Variants in GRK4 observed in about 807,000 individuals in gnomAD.
The protein encoded by GRK4 is G protein-coupled receptor kinase 2-like.
Under a neutral mutation model 77.9 loss-of-function variants are expected in GRK4, and 73 were observed. That is an observed-to-expected ratio of 0.94 (90% CI 0.78 to 1.14). The LOEUF (loss-of-function observed/expected upper bound fraction) is 1.14, where lower values mean the gene tolerates loss of function less well. Ranked by LOEUF, GRK4 falls within the 50% of genes most tolerant of loss-of-function variation. The probability of loss-of-function intolerance (pLI) is 0.00; values close to 1 mark genes in which losing one functional copy is unlikely to be tolerated. For synonymous variants in GRK4, 257 were observed against 254.4 expected, an observed-to-expected ratio of 1.01 and a Z score of -0.10; for missense variants, 729 against 700.2, an observed-to-expected ratio of 1.04 and a Z score of -0.46.
intron 5 of GRK4, among the ~76,000 whole-genome samples, chr4:3,004,790 C>T (rs1978032): frequency 0.2 from 30,113 of 151,700 alleles, 3,452 homozygotes; most frequent in African/African-American, 0.32. Context: ...AGAGGAGGAG[C>T]TGGTCTTGCT....
chr4:2,981,944 G>T (rs1722990239), intron 1 of GRK4, among the ~76,000 whole-genome samples: 1 of 152,268 alleles, frequency 6.6e-6, no homozygotes, highest in African/African-American at 2.4e-5. Context: ...GCAGGTGGCT[G>T]GTGTGTCAGC....
chr4:2,969,755 C>G (rs1718927062), intron 1 of GRK4, among the ~76,000 whole-genome samples: 1 of 151,908 alleles, frequency 6.6e-6, no homozygotes, highest in South Asian at 2.1e-4. Flanking sequence ...ACTGAAGCCT[C>G]AAAGCCTTGA....
chr4:2,997,772 G>A (rs1441102844), intron 4 of GRK4, among the ~76,000 whole-genome samples: 1 of 152,084 alleles, frequency 6.6e-6, no homozygotes, highest in South Asian at 2.1e-4. Context: ...GCCGGCCATG[G>A]TGGTGCACGC....
intron 14 of GRK4, among the ~76,000 whole-genome samples, chr4:3,037,940 G>A (rs529346969): frequency 2.7e-4 from 41 of 150,488 alleles, no homozygotes; most frequent in Non-Finnish European, 5.5e-4. Flanking sequence ...AAAAAAGATT[G>A]TATAAGACTT....
At chr4:2,980,105 T>C (rs370087242) in intron 1 of GRK4, among the ~76,000 whole-genome samples, 31 of 152,332 alleles carry the variant, frequency 2.0e-4, no homozygotes, top group African/African-American at 6.5e-4. Flanking sequence ...TTCATCCTGT[T>C]AGGACCAGCT....
At chr4:3,001,207 ATG>A (rs1729587685) in intron 4 of GRK4, among the ~76,000 whole-genome samples, 1 of 134,448 alleles carries the variant, frequency 7.4e-6, no homozygotes, top group Non-Finnish European at 1.6e-5. Context: ...ATATATGTGT[ATG>A]TGTATATATA....
intron 4 of GRK4, among the ~76,000 whole-genome samples, chr4:3,001,089 ATGTGTGTG>A (rs1490130793): frequency 2.4e-5 from 2 of 82,420 alleles, no homozygotes; most frequent in African/African-American, 5.8e-5. Context: ...ATATATATAT[ATGTGTGTG>A]TGTGTGTGTA....
At chr4:3,020,248 C>T (rs948353798) in intron 9 of GRK4, among the ~76,000 whole-genome samples, 11 of 152,108 alleles carry the variant, frequency 7.2e-5, no homozygotes, top group Admixed American at 6.5e-4. Context: ...TCAGGTGATC[C>T]ACGGGCCTCA....
At chr4:2,980,682 C>G (rs1018700415) in intron 1 of GRK4, among the ~76,000 whole-genome samples, 1 of 152,108 alleles carries the variant, frequency 6.6e-6, no homozygotes, top group Non-Finnish European at 1.5e-5. Context: ...GCCACCCTAC[C>G]CCACCGTCAG....
At chr4:3,036,270 G>A (rs1302333410) in intron 13 of GRK4, among the ~76,000 whole-genome samples, 1 of 152,240 alleles carries the variant, frequency 6.6e-6, no homozygotes, top group Non-Finnish European at 1.5e-5. Context: ...CCCGTACTGA[G>A]GACCCTGAAG....
At chr4:2,968,199 T>C (rs1053420188) in intron 1 of GRK4, among the ~76,000 whole-genome samples, 2 of 152,202 alleles carry the variant, frequency 1.3e-5, no homozygotes, top group Non-Finnish European at 2.9e-5. Flanking sequence ...CACATCATAC[T>C]TCTGAGGAGA....
In GRK4 at chr4:3,007,764, C is replaced by G; in HGVS notation, c.472C>G (p.Pro158Ala). 6.2e-7 allele frequency: 1 copy of G among 1,609,938 alleles called. No homozygotes were observed. Among genetic ancestry groups the G allele is most frequent in the Non-Finnish European group, 8.5e-7 (1 of 1,177,786 alleles). Residue 158 changes from proline to alanine, a missense_variant, in exon 6 of 16, where the codon CCA becomes GCA. Transcript: ENST00000398052. ...TGCCCATAACTACCTAAGAGGGGAA[C>G]CATTTGAAGAATACCAAGAAAGCTC... is the stretch of plus-strand genomic sequence containing the variant. ...RVAHNYLRGE[P>A]FEEYQESSYF...
intron 1 of GRK4, 70 bp downstream of exon 1, chr4:2,964,192 C>G: frequency 7.7e-7 from 1 of 1,301,550 alleles, no homozygotes; most frequent in South Asian, 1.3e-5. Flanking sequence ...CCTGGCCCCC[C>G]TGAAGGAACC....
At chr4:3,022,223 C>T (rs567734058) in intron 9 of GRK4, among the ~76,000 whole-genome samples, 191 bp from the exon 10 acceptor site, 45 of 152,306 alleles carry the variant, frequency 3.0e-4, no homozygotes, top group African/African-American at 7.5e-4. Flanking sequence ...TTTACACTGT[C>T]GTCACATGTG....
intron 10 of GRK4, 28 bp from the exon 11 acceptor site, chr4:3,027,884 C>G: frequency 6.3e-7 from 1 of 1,594,090 alleles, no homozygotes; most frequent in East Asian, 2.2e-5. Context: ...CCCCCGTGAC[C>G]TGTGTAATAA....
Position 3,040,638 on chromosome 4 carries a change from G to C in GRK4, c.*13G>C. 4 of 1,607,834 alleles carry C rather than the reference G, an allele frequency of 2.5e-6. No homozygotes were observed. The highest frequency in any genetic ancestry group is 3.4e-6 in the Non-Finnish European group (4 of 1,177,074). ...CAAGCAATGCTGAGCACCCCGGTGC[G>C]GACCACAGAGCAGACCCTGGCGCCA... is the stretch of plus-strand genomic sequence containing the variant. On this transcript the variant is annotated 3_prime_UTR_variant, in exon 16 of 16. Transcript: ENST00000398052.
In GRK4 at chr4:3,017,999, A is replaced by G. The variant is rs75064647; in HGVS notation, c.742-1642A>G. On this transcript the variant is annotated intron_variant, in intron 8 of 15. Transcript: ENST00000398052. Reference sequence around the variant, plus strand: ...GCAGTAAGGTAAAGGAAAAAGTGAAAGGGATTAAGGTTAGAGAAAAGAAGA... The same window carrying G: ...GCAGTAAGGTAAAGGAAAAAGTGAAGGGGATTAAGGTTAGAGAAAAGAAGA... 9.3e-3 allele frequency among the ~76,000 whole-genome samples: 1,415 copies of G among 152,236 alleles called. 19 individuals are homozygous for G. Among genetic ancestry groups the G allele is most frequent in the African/African-American group, 0.033 (1,363 of 41,520 alleles).
chr4:2,963,949 C>T lies in GRK4; in HGVS notation c.-122C>T, dbSNP rs16843684. 307,981 of 919,002 alleles carry T rather than the reference C, an allele frequency of 0.34. 54,589 individuals carry two copies. The highest frequency in any genetic ancestry group is 0.43 in the African/African-American group (26,518 of 61,000). The allele number at this position is 919,002 out of a possible 1,614,324, so 56.9% of individuals were successfully genotyped here. On this transcript the variant is annotated 5_prime_UTR_variant, in exon 1 of 16. Coordinates refer to ENST00000398052, the MANE Select transcript of GRK4 (RefSeq NM_182982.3). The stretch of plus-strand genomic sequence containing the variant: ...CGGAGCAGCCTCCCGGGATCGTGTC[C>T]GGAGCTCGAGGAGAGGGTGGTGCCC...
At chr4:2,987,152 A>G (rs751658753) in intron 2 of GRK4, 1 of 518,178 alleles carries the variant, frequency 1.9e-6, no homozygotes, top group Non-Finnish European at 3.9e-6. Flanking sequence ...ACAACTACAA[A>G]TCCACTTTCT....
Sources: gnomAD v4.1 joint callset for allele counts (sites outside exome capture counted in the v4.1 genomes callset) on GRCh38, gnomAD v4.1.1 for gene constraint, MANE v1.5 for transcripts, NCBI Gene and HGNC (gene_info 2026-07-23, HGNC 2026-07-21) for gene names.